RGS7BP: variants seen among roughly 807,000 people sequenced by gnomAD.
RGS7BP encodes the protein regulator of G protein signaling 7 binding protein.
A neutral mutation model predicts 31.3 loss-of-function variants in RGS7BP; 9 were observed. The ratio of observed to expected loss-of-function variants is 0.29; its 90% CI spans 0.17 to 0.50. The LOEUF is 0.50. RGS7BP is among the 20% of genes least tolerant of loss of function. RGS7BP has a pLI of 0.98. For missense variants in RGS7BP, 274 were observed against 322.0 expected, an observed-to-expected ratio of 0.85 and a Z score of 1.14; for synonymous variants, 115 against 120.1, an observed-to-expected ratio of 0.96 and a Z score of 0.28.
Position 64,506,637 on chromosome 5 carries a change from C to A in RGS7BP, c.13C>A (p.Pro5Thr). 3 of 1,610,950 alleles carry A rather than the reference C, an allele frequency of 1.9e-6. No individual in the cohort carries two copies. Among genetic ancestry groups the A allele is most frequent in the Non-Finnish European group, 2.5e-6 (3 of 1,178,114 alleles). Reference sequence around the variant, plus strand: ...TGGATGTGTATGCATGAGTTCTGCACCGAATGGGCGCAAAAAGCGCCCCAG... The same window carrying A: ...TGGATGTGTATGCATGAGTTCTGCAACGAATGGGCGCAAAAAGCGCCCCAG... MSSA[P>T]NGRKKRPSRS... is the part of the protein sequence containing the mutation. Residue 5 changes from proline to threonine, a missense_variant, in exon 1 of 6, where the codon CCG (proline) becomes ACG (threonine). Transcript: ENST00000334025. The surrounding 1 kb of genome is among the most constrained non-coding windows in gnomAD (Gnocchi z 4.6).
chr5:64,532,727 T>G (rs1348066104), intron 2 of RGS7BP, among the ~76,000 whole-genome samples: 1 of 152,150 alleles, frequency 6.6e-6, no homozygotes, highest in Non-Finnish European at 1.5e-5. Context: ...TAAAATGACT[T>G]GAGCCCCCAC....
At chr5:64,554,075 C>A (rs767584851) in intron 2 of RGS7BP, among the ~76,000 whole-genome samples, 5 of 152,162 alleles carry the variant, frequency 3.3e-5, no homozygotes, top group Non-Finnish European at 7.4e-5. Context: ...CTGCTCTTTG[C>A]CCTTCTCCAC....
intron 2 of RGS7BP, among the ~76,000 whole-genome samples, chr5:64,555,595 G>T (rs112616783): frequency 0.028 from 4,285 of 152,152 alleles, 113 homozygotes; most frequent in Admixed American, 0.061. Context: ...TATTGCCAGA[G>T]AAAAAGAAAA....
chr5:64,609,354 T>C lies in RGS7BP; in HGVS notation c.*102T>C. Reference sequence around the variant, plus strand: ...ACACAGTTATTGGTTTTTGACTATGTTTTCTATGCTTCCTTATTACTTTTA... The same window carrying C: ...ACACAGTTATTGGTTTTTGACTATGCTTTCTATGCTTCCTTATTACTTTTA... On this transcript the variant is annotated 3_prime_UTR_variant, in exon 6 of 6. Coordinates refer to ENST00000334025, the MANE Select transcript of RGS7BP (RefSeq NM_001029875.3). 1.4e-6 allele frequency: 1 copy of C among 714,810 alleles called. No individual in the cohort carries two copies. The highest frequency in any genetic ancestry group is 2.6e-6 in the Non-Finnish European group (1 of 388,694). 44.3% of individuals were successfully genotyped at this position (714,810 alleles called of 1,614,324 possible).
At chr5:64,513,815 G>A (rs147329268) in intron 2 of RGS7BP, among the ~76,000 whole-genome samples, 1 of 152,260 alleles carries the variant, frequency 6.6e-6, no homozygotes, top group East Asian at 1.9e-4. Flanking sequence ...AGCTCTCACT[G>A]GTCAAATAGT....
intron 5 of RGS7BP, among the ~76,000 whole-genome samples, chr5:64,599,435 G>A (rs900080663): frequency 6.6e-6 from 1 of 152,198 alleles, no homozygotes; most frequent in African/African-American, 2.4e-5. Flanking sequence ...GGAGCTGGAG[G>A]CTCCTCTTGG....
chr5:64,582,374 T>C (rs1266009687), intron 3 of RGS7BP, among the ~76,000 whole-genome samples: 1 of 152,228 alleles, frequency 6.6e-6, no homozygotes, highest in Non-Finnish European at 1.5e-5. Context: ...AGCCCCATTC[T>C]GAAAAGAGCA....
At chr5:64,521,310 T>C (rs896106289) in intron 2 of RGS7BP, among the ~76,000 whole-genome samples, 1 of 152,220 alleles carries the variant, frequency 6.6e-6, no homozygotes, top group Admixed American at 6.5e-5. Flanking sequence ...CAGTCTGGAA[T>C]GCAGCGCCGT....
intron 4 of RGS7BP, among the ~76,000 whole-genome samples, chr5:64,596,596 C>A (rs1743075517): frequency 6.6e-6 from 1 of 152,106 alleles, no homozygotes; most frequent in Non-Finnish European, 1.5e-5. Context: ...CTGTGCCTTG[C>A]ACTTGTGGAG....
At chr5:64,510,649 G>C (rs1452447220) in intron 2 of RGS7BP, among the ~76,000 whole-genome samples, 8 of 152,306 alleles carry the variant, frequency 5.3e-5, no homozygotes, top group African/African-American at 1.9e-4. Flanking sequence ...TTTACTAAAA[G>C]TCATTGAATT....
intron 2 of RGS7BP, among the ~76,000 whole-genome samples, chr5:64,551,328 T>C (rs759551501): frequency 6.6e-6 from 1 of 150,956 alleles, no homozygotes; most frequent in African/African-American, 2.5e-5. Context: ...AGTGGCGCAA[T>C]CTTGGCTCAC....
intron 2 of RGS7BP, among the ~76,000 whole-genome samples, chr5:64,517,689 T>C (rs767952004): frequency 1.3e-5 from 2 of 152,112 alleles, no homozygotes; most frequent in African/African-American, 4.8e-5. Context: ...CCAGAAAGGA[T>C]TGAGAAAAAG....
At chr5:64,507,174 G>C (rs1317605966) in intron 1 of RGS7BP, among the ~76,000 whole-genome samples, 3 of 152,234 alleles carry the variant, frequency 2.0e-5, no homozygotes, top group Non-Finnish European at 4.4e-5. Context: ...AGCGCACGGG[G>C]CGCTGCGGAG....
intron 3 of RGS7BP, among the ~76,000 whole-genome samples, chr5:64,588,536 A>C (rs1403637719): frequency 6.6e-6 from 1 of 152,108 alleles, no homozygotes; most frequent in Non-Finnish European, 1.5e-5. Flanking sequence ...GGGAATTAGG[A>C]CTCAAAAAAA....
intron 2 of RGS7BP, among the ~76,000 whole-genome samples, chr5:64,532,999 A>G (rs149212241): frequency 0.012 from 1,750 of 152,114 alleles, 13 homozygotes; most frequent in Middle Eastern, 0.071. Flanking sequence ...TTGTGCCTTC[A>G]TTTCCGAGGG....
chr5:64,583,142 C>A (rs1197619263), intron 3 of RGS7BP, among the ~76,000 whole-genome samples: 3 of 152,168 alleles, frequency 2.0e-5, no homozygotes, highest in African/African-American at 7.2e-5. Flanking sequence ...AATCCCAGTA[C>A]TTTGGGAGGC....
In RGS7BP at chr5:64,566,955, G is replaced by A. The variant is rs539719422; in HGVS notation, c.333-8819G>A. 2.0e-5 allele frequency among the ~76,000 whole-genome samples: 3 copies of A among 151,228 alleles called. No homozygotes were observed. The South Asian group carries it at 6.3e-4, about 32-fold the overall frequency. On this transcript the variant is annotated intron_variant, in intron 2 of 5. Transcript: ENST00000334025. ...TGTGGCCCATCGCTTTAGATAAACT[G>A]TCTCAAGCAAAGCTATCTTCAGTAG...
chr5:64,515,550 G>A (rs149916854), intron 2 of RGS7BP, among the ~76,000 whole-genome samples: 526 of 151,984 alleles, frequency 3.5e-3, no homozygotes, highest in African/African-American at 0.012. Flanking sequence ...AAACTTCTAG[G>A]CCCTGAGAGT....
At chr5:64,589,294 TCAAAAAAAAA>T (rs1326804151) in intron 3 of RGS7BP, among the ~76,000 whole-genome samples, 2 of 149,360 alleles carry the variant, frequency 1.3e-5, no homozygotes, top group Non-Finnish European at 3.0e-5. Context: ...AGACTCTGTC[TCAAAAAAAAA>T]CAAAAAAAAA....
Sources: allele counts gnomAD v4.1 joint callset (sites outside exome capture counted in the v4.1 genomes callset), GRCh38; gene constraint gnomAD v4.1.1; non-coding constraint Gnocchi (gnomAD v3.1); transcripts MANE v1.5; gene names NCBI Gene and HGNC (gene_info 2026-07-23, HGNC 2026-07-21).